SVEP1: variants seen among roughly 807,000 people sequenced by gnomAD.
SVEP1 encodes the protein sushi, von Willebrand factor type A, EGF and pentraxin domain-containing protein 1.
Under a neutral mutation model 367.3 loss-of-function variants are expected in SVEP1, and 164 were observed. The ratio of observed to expected loss-of-function variants is 0.45; its 90% CI spans 0.39 to 0.51. SVEP1 has a LOEUF of 0.51. Ranked by LOEUF, SVEP1 falls within the 20% of genes least tolerant of loss-of-function variation. SVEP1 has a pLI of 0.00. For synonymous variants in SVEP1, 1,666 were observed against 1,611.6 expected (o/e 1.03, Z -0.81); for missense variants, 4,117 against 4,425.3 (o/e 0.93, Z 1.98).
At chr9:110,415,965 A>G (rs543237668) in intron 36 of SVEP1, among the ~76,000 whole-genome samples, 12 of 152,028 alleles carry the variant, frequency 7.9e-5, no homozygotes, top group Non-Finnish European at 1.8e-4. Context: ...AATTTACACC[A>G]TTCACTTTGT....
Position 110,479,635 on chromosome 9 carries a change from C to A in SVEP1, c.2487G>T (p.Met829Ile). 1 of 1,601,816 alleles carries A rather than the reference C, an allele frequency of 6.2e-7. No homozygotes were observed. The highest frequency in any genetic ancestry group is 8.5e-7 in the Non-Finnish European group (1 of 1,176,112). ...CAATAAATGACCACTATTGATGTAC[C>A]ATTTTTCCCAGGGTCGTCTCAAATG... ...SEAFETTLGKMVPSFCSDAED... is the reference protein window; with the variant it reads ...SEAFETTLGKIVPSFCSDAED... The change falls in exon 13 of 48, where the codon ATG becomes ATT. Residue 829 changes from methionine to isoleucine, a missense_variant and splice_region_variant. Physicochemically the swap from Met to Ile is conservative, Grantham distance 10. Transcript: ENST00000374469.
At position 110,471,467 on chromosome 9, in the gene SVEP1, A is replaced by T. The variant is rs1829016544; in HGVS notation, c.2895T>A (p.Phe965Leu). The T allele has an allele frequency of 1.2e-6, 2 of 1,613,862 alleles. No individual in the cohort carries two copies. Among genetic ancestry groups the T allele is most frequent in the Non-Finnish European group, 1.7e-6 (2 of 1,179,874 alleles). The change falls in exon 16 of 48, where the codon TTT (phenylalanine) becomes TTA (leucine). Residue 965 changes from phenylalanine to leucine, a missense_variant. This residue lies in a region of SVEP1 where 2,174 missense variants were observed against 2,494.3 expected (regional missense o/e 0.87). Transcript: ENST00000374469. ...CTATAAGTATTTCTGATGCAAGCTG[A>T]AAGGAATACATGGGGTCTTTGTTGA... The part of the protein sequence containing the change: ...RTLNKDPMYS[F>L]QLASEILIAD...
chr9:110,547,028 A>G (rs905590096), intron 2 of SVEP1, among the ~76,000 whole-genome samples: 30 of 152,208 alleles, frequency 2.0e-4, no homozygotes, highest in African/African-American at 7.2e-4. Flanking sequence ...TGGGGCTCTA[A>G]GCCCAGATAT....
In SVEP1 at chr9:110,503,062, C is replaced by T. The variant is rs1009942943; in HGVS notation, c.1459G>A (p.Asp487Asn). ...KLTCQGNSQW[D>N]GPEPRCVERH... ...CCCACACACCGGGGTTCTGGCCCAT[C>T]CCACTGGCTGTTTCCTTGACAAGTA... Residue 487 changes from aspartate (D) to asparagine (N), a missense_variant, in exon 6 of 48, where the codon GAT becomes AAT. This residue lies in a region of SVEP1 where 2,174 missense variants were observed against 2,494.3 expected (regional missense o/e 0.87). Coordinates refer to ENST00000374469, the MANE Select transcript of SVEP1 (RefSeq NM_153366.4). The T allele has an allele frequency of 1.2e-6, 2 of 1,607,014 alleles. No individual in the cohort carries two copies. Among genetic ancestry groups the T allele is most frequent in the Admixed American group, 1.7e-5 (1 of 59,592 alleles).
At chr9:110,457,735 G>A (rs1008127423) in intron 20 of SVEP1, among the ~76,000 whole-genome samples, 7 of 152,170 alleles carry the variant, frequency 4.6e-5, no homozygotes, top group Non-Finnish European at 8.8e-5. Flanking sequence ...ACACCTCCAT[G>A]TGACAGCCAC....
chr9:110,465,886 C>A lies in SVEP1; in HGVS notation c.3301G>T (p.Val1101Leu), dbSNP rs773002647. The change falls in exon 18 of 48, where the codon GTG (valine) becomes TTG (leucine). Residue 1101 changes from valine to leucine, a missense_variant. Physicochemically the swap from Val to Leu is conservative, Grantham distance 32. Transcript: ENST00000374469. ...ENTSTVKRGA[V>L]NISACGVPCP... Reference sequence around the variant, plus strand: ...TAACCTCCACATGCAGAAATGTTCACGGCTCCTCTTTTCACAGTTGAGGTG... The same window carrying A: ...TAACCTCCACATGCAGAAATGTTCAAGGCTCCTCTTTTCACAGTTGAGGTG... 2 of 1,612,908 alleles carry A rather than the reference C, an allele frequency of 1.2e-6. No individual in the cohort carries two copies. Among genetic ancestry groups the A allele is most frequent in the African/African-American group, 2.7e-5 (2 of 75,008 alleles).
intron 43 of SVEP1, among the ~76,000 whole-genome samples, chr9:110,385,139 C>A (rs1827500931): frequency 1.3e-5 from 2 of 152,152 alleles, no homozygotes; most frequent in African/African-American, 4.8e-5. Context: ...TGCCACCACA[C>A]CCAGCTAATT....
chr9:110,554,727 C>CGTGTGTGT (rs147546940), intron 1 of SVEP1, among the ~76,000 whole-genome samples: 24,930 of 148,542 alleles, frequency 0.17, 2,334 homozygotes, highest in African/African-American at 0.26. Flanking sequence ...TATAGATGTG[C>CGTGTGTGT]GTGTGTGTGT....
rs779844824 is a variant in SVEP1 at position 110,406,830 on chromosome 9, G to A, written c.8770C>T (p.His2924Tyr). 1 of 1,613,992 alleles carries A rather than the reference G, an allele frequency of 6.2e-7. No individual in the cohort carries two copies. The highest frequency in any genetic ancestry group is 1.1e-5 in the South Asian group (1 of 91,088). ...TGACAGGTGAGTTTTGGAGCACCGT[G>A]CAAGATGTAGCCCTCGTGACAGTGG... Reference protein sequence around the residue: ...TFHCHEGYILHGAPKLTCQSD... With the variant: ...TFHCHEGYILYGAPKLTCQSD... The change falls in exon 38 of 48, where the codon CAC (histidine) becomes TAC (tyrosine). Residue 2924 changes from histidine (H) to tyrosine (Y), a missense_variant. By Grantham distance (83) the His-to-Tyr change is moderately conservative. Coordinates refer to ENST00000374469, the MANE Select transcript of SVEP1 (RefSeq NM_153366.4).
intron 9 of SVEP1, among the ~76,000 whole-genome samples, chr9:110,484,401 G>A (rs538038533): frequency 1.7e-4 from 26 of 152,328 alleles, no homozygotes; most frequent in Admixed American, 1.1e-3. Context: ...TGGCTGAAGG[G>A]TGGATGTGAG....
intron 43 of SVEP1, 72 bp from the exon 44 acceptor site, chr9:110,379,589 A>C: frequency 1.3e-6 from 2 of 1,497,186 alleles, no homozygotes; most frequent in South Asian, 2.4e-5. Flanking sequence ...CATCTCTCAG[A>C]ATGAATTAAA....
chr9:110,379,909 T>C (rs1588020867), intron 43 of SVEP1, among the ~76,000 whole-genome samples: 1 of 152,196 alleles, frequency 6.6e-6, no homozygotes, highest in African/African-American at 2.4e-5. Context: ...AGATCATTAA[T>C]TGTAGTACTG....
chr9:110,451,102 C>T (rs187278484), intron 23 of SVEP1, among the ~76,000 whole-genome samples, 187 bp downstream of exon 23: 1 of 152,226 alleles, frequency 6.6e-6, no homozygotes, highest in South Asian at 2.1e-4. Flanking sequence ...AAATTGCAGA[C>T]CTGCATGCCC....
intron 22 of SVEP1, among the ~76,000 whole-genome samples, chr9:110,453,566 T>G (rs947523176): frequency 6.6e-6 from 1 of 152,106 alleles, no homozygotes; most frequent in African/African-American, 2.4e-5. Flanking sequence ...TTTTTGACTC[T>G]TTAATAATAG....
intron 17 of SVEP1, among the ~76,000 whole-genome samples, chr9:110,467,282 GTAGT>G (rs1401433476): frequency 1.3e-5 from 2 of 152,206 alleles, no homozygotes; most frequent in Non-Finnish European, 2.9e-5. Context: ...ACATGTGCCT[GTAGT>G]TATTCATTTC....
intron 44 of SVEP1, among the ~76,000 whole-genome samples, chr9:110,378,266 T>TC (rs1315302738): frequency 3.9e-5 from 6 of 152,132 alleles, no homozygotes; most frequent in Non-Finnish European, 8.8e-5. Context: ...CTTTAAGATG[T>TC]CCCCCCTCAA....
At chr9:110,540,243 G>C (rs1021941038) in intron 3 of SVEP1, among the ~76,000 whole-genome samples, 1 of 151,958 alleles carries the variant, frequency 6.6e-6, no homozygotes, top group Non-Finnish European at 1.5e-5. Flanking sequence ...TAACAGAGGT[G>C]GAAATGTAAG....
chr9:110,370,083 A>G, intron 46 of SVEP1, 67 bp from the exon 47 acceptor site: 2 of 1,412,436 alleles, frequency 1.4e-6, no homozygotes, highest in Admixed American at 1.9e-5. Context: ...CCATAAAGGC[A>G]CGTAGGATAA....
At chr9:110,454,686 T>C (rs1011360614) in intron 22 of SVEP1, among the ~76,000 whole-genome samples, 3 of 152,328 alleles carry the variant, frequency 2.0e-5, no homozygotes, top group Non-Finnish European at 4.4e-5. Context: ...CAGGCCATTA[T>C]TCTAAGTGAA....
Sources: allele counts gnomAD v4.1 joint callset (sites outside exome capture counted in the v4.1 genomes callset), GRCh38; gene constraint gnomAD v4.1.1; regional missense constraint gnomAD v4.1.1; transcripts MANE v1.5; gene names NCBI Gene and HGNC (gene_info 2026-07-23, HGNC 2026-07-21).